TTC3: variants seen among roughly 807,000 people sequenced by gnomAD.
The protein encoded by TTC3 is E3 ubiquitin-protein ligase TTC3.
TTC3 carries 180 observed loss-of-function variants against 249.6 expected under a neutral mutation model. That is an observed-to-expected ratio of 0.72 (90% CI 0.64 to 0.82). The LOEUF is 0.82. Among genes scored for constraint, TTC3 ranks in the 40% least tolerant of loss-of-function variants. The probability of loss-of-function intolerance (pLI) is 0.00; values close to 1 mark genes in which losing one functional copy is unlikely to be tolerated. For missense variants in TTC3, 2,061 were observed against 2,398.4 expected (o/e 0.86, Z 2.94); for synonymous variants, 717 against 805.0 (o/e 0.89, Z 1.85).
intron 21 of TTC3, 73 bp downstream of exon 21, chr21:37,144,718 G>A (rs1426141898): frequency 1.3e-6 from 2 of 1,547,438 alleles, no homozygotes; most frequent in African/African-American, 2.8e-5. Context: ...GGTATCAGGA[G>A]GCGGAGAGGT....
intron 34 of TTC3, 139 bp from the exon 35 acceptor site, chr21:37,172,456 G>A (rs770009449): frequency 7.5e-6 from 7 of 938,712 alleles, no homozygotes; most frequent in Non-Finnish European, 1.1e-5. Flanking sequence ...TTTAATTCCT[G>A]AATGATTGTG....
rs1042682534 is a variant in TTC3 at position 37,170,579 on chromosome 21, G to A, written c.4468-2016G>A. Among the ~76,000 whole-genome samples the A allele has an allele frequency of 2.0e-5, 3 of 152,178 alleles. No individual in the cohort carries two copies. The South Asian group carries it at 6.2e-4, about 32-fold the overall frequency. ...TACAATCTAAACCTCCATCAATAGC[G>A]GACTAGTTAAATTATGATATACCTA... On this transcript the variant is annotated intron_variant, in intron 34 of 45. Transcript: ENST00000355666.
At chr21:37,153,111 C>T (rs746594872) in exon 27 of TTC3, 2 of 1,613,692 alleles carry the variant, frequency 1.2e-6, no homozygotes, top group East Asian at 2.2e-5. Context: ...ACTATACAAC[C>T]TGTTTTTCTA....
Position 37,129,066 on chromosome 21 carries a change from A to G in TTC3, c.1358+3A>G. The G allele has an allele frequency of 1.3e-6, 2 of 1,584,372 alleles. No individual in the cohort carries two copies. The highest frequency in any genetic ancestry group is 1.7e-6 in the Non-Finnish European group (2 of 1,165,938). Reference sequence around the variant, plus strand: ...AACAATGAATCAGAAAAGTTCAGGTATGTTTTTTCTCTAAGGTATGTTTTT... The same window carrying G: ...AACAATGAATCAGAAAAGTTCAGGTGTGTTTTTTCTCTAAGGTATGTTTTT... On this transcript the variant is annotated splice_donor_region_variant and intron_variant, in intron 16 of 45. Coordinates refer to ENST00000355666, the Ensembl canonical transcript of TTC3.
chr21:37,159,848 C>G, intron 29 of TTC3, 103 bp downstream of exon 29: 1 of 1,077,478 alleles, frequency 9.3e-7, no homozygotes, highest in South Asian at 1.3e-5. Flanking sequence ...AGCCAGCATT[C>G]AAGAACCACA....
chr21:37,134,399 G>A (rs2077739057), intron 17 of TTC3, among the ~76,000 whole-genome samples: 1 of 150,814 alleles, frequency 6.6e-6, no homozygotes, highest in Non-Finnish European at 1.5e-5. Flanking sequence ...GCAGTGAGCC[G>A]AGATCTGCCA....
At chr21:37,166,318 G>A (rs2081252576) in exon 33 of TTC3, 1 of 1,614,056 alleles carries the variant, frequency 6.2e-7, no homozygotes, top group South Asian at 1.1e-5. Flanking sequence ...TACCAGTGGT[G>A]CCGTCTTTTG....
intron 39 of TTC3, among the ~76,000 whole-genome samples, chr21:37,189,371 G>A (rs141891508): frequency 0.019 from 2,954 of 151,868 alleles, 53 homozygotes; most frequent in Middle Eastern, 0.037. Context: ...TCAGCCTCCC[G>A]AGTAGCTGGG....
intron 6 of TTC3, 148 bp downstream of exon 6, chr21:37,090,434 C>A: frequency 1.0e-6 from 1 of 961,400 alleles, no homozygotes. Context: ...CTTAAGGAGA[C>A]TCCTCATTTT....
intron 10 of TTC3, among the ~76,000 whole-genome samples, chr21:37,103,176 A>G (rs893979165): frequency 1.3e-5 from 2 of 152,166 alleles, no homozygotes; most frequent in African/African-American, 4.8e-5. Context: ...GGGAGAGGGA[A>G]TAACTGTTCT....
intron 44 of TTC3, among the ~76,000 whole-genome samples, chr21:37,199,581 G>A (rs368656036): frequency 3.9e-5 from 6 of 152,334 alleles, no homozygotes; most frequent in East Asian, 3.9e-4. Flanking sequence ...TGAGCCATCC[G>A]TTTGTTTTGT....
chr21:37,096,776 G>T, intron 10 of TTC3, 133 bp downstream of exon 10: 1 of 644,886 alleles, frequency 1.6e-6, no homozygotes, highest in Non-Finnish European at 2.7e-6. Context: ...GTGGTTAAAA[G>T]AGTATGCTTA....
chr21:37,196,666 T>A (rs2835662), intron 42 of TTC3, among the ~76,000 whole-genome samples: 81,084 of 152,162 alleles, frequency 0.53, 22,255 homozygotes, highest in African/African-American at 0.64. Context: ...AGTGTTATAG[T>A]ATCAATAAAT....
At chr21:37,156,944 C>A in intron 28 of TTC3, 38 bp downstream of exon 28, 1 of 1,586,350 alleles carries the variant, frequency 6.3e-7, no homozygotes, top group Non-Finnish European at 8.6e-7. Flanking sequence ...TACATTTAAT[C>A]TTAAGGGGGA....
exon 40 of TTC3, chr21:37,191,390 T>A: frequency 6.3e-7 from 1 of 1,587,572 alleles, no homozygotes; most frequent in Non-Finnish European, 8.5e-7. Flanking sequence ...GAATTGTTTC[T>A]TTCTAATGTT....
chr21:37,122,404 AAT>A (rs368908654), intron 12 of TTC3, among the ~76,000 whole-genome samples: 16 of 134,766 alleles, frequency 1.2e-4, no homozygotes, highest in African/African-American at 2.3e-4. Flanking sequence ...CAGCGTGCTG[AAT>A]ATATATATAT....
chr21:37,108,935 C>T (rs1405611607), intron 11 of TTC3, among the ~76,000 whole-genome samples: 2 of 152,132 alleles, frequency 1.3e-5, no homozygotes, highest in Non-Finnish European at 2.9e-5. Context: ...ACATATATAA[C>T]TGGTAGGATT....
chr21:37,147,613 G>T lies in TTC3; in HGVS notation c.2016+10G>T. ...TGATCCAGACTTTAAGGTAAATAAT[G>T]AGTGTACAGTGGGACATTAACTTGC... On this transcript the variant is annotated intron_variant, in intron 22 of 45. Coordinates refer to ENST00000355666, the Ensembl canonical transcript of TTC3. 1 of 1,597,492 alleles carries T rather than the reference G, an allele frequency of 6.3e-7. No individual in the cohort carries two copies.
intron 11 of TTC3, among the ~76,000 whole-genome samples, chr21:37,110,957 GCTT>G (rs1249741273): frequency 6.6e-6 from 1 of 152,158 alleles, no homozygotes; most frequent in African/African-American, 2.4e-5. Context: ...GCCAAACTAA[GCTT>G]CATAAGTGAG....
Sources: allele counts gnomAD v4.1 joint callset (sites outside exome capture counted in the v4.1 genomes callset), GRCh38; gene constraint gnomAD v4.1.1; transcripts MANE v1.5; gene names NCBI Gene and HGNC (gene_info 2026-07-23, HGNC 2026-07-21).